EVI5: variants seen among roughly 807,000 people sequenced by gnomAD.
EVI5 encodes ecotropic viral integration site 5.
EVI5 carries 73 observed loss-of-function variants against 112.0 expected under a neutral mutation model. The ratio of observed to expected loss-of-function variants is 0.65; its 90% CI spans 0.54 to 0.79. EVI5 has a LOEUF of 0.79. Ranked by LOEUF, EVI5 falls within the 30% of genes least tolerant of loss-of-function variation. The pLI is 0.00. For synonymous variants in EVI5, 305 were observed against 319.9 expected (o/e 0.95, Z 0.50); for missense variants, 900 against 968.8 (o/e 0.93, Z 0.94).
At chr1:92,630,049 T>C (rs1312532846) in intron 14 of EVI5, among the ~76,000 whole-genome samples, 3 of 152,194 alleles carry the variant, frequency 2.0e-5, no homozygotes, top group African/African-American at 7.2e-5. Flanking sequence ...TGCCACATTT[T>C]CTTAATCCAG....
Position 92,607,565 on chromosome 1 carries a change from T to A in EVI5, c.1974+16A>T. On this transcript the variant is annotated intron_variant, in intron 17 of 19. Transcript: ENST00000684568. ...TATATTGACAAAAAACAAAATCAGT[T>A]AGTTGACATATTTACCTTGCATTCA... is the stretch of plus-strand genomic sequence containing the variant. The A allele has an allele frequency of 2.0e-6, 3 of 1,532,238 alleles. No homozygotes were observed. The highest frequency in any genetic ancestry group is 2.6e-6 in the Non-Finnish European group (3 of 1,144,310). 94.9% of individuals were successfully genotyped at this position (1,532,238 alleles called of 1,614,324 possible).
intron 19 of EVI5, among the ~76,000 whole-genome samples, chr1:92,550,783 T>TATAA (rs1666742472): frequency 2.8e-5 from 1 of 36,146 alleles, no homozygotes; most frequent in Non-Finnish European, 5.1e-5. Context: ...AAAAAAAAAA[T>TATAA]ATATATATAT....
intron 19 of EVI5, among the ~76,000 whole-genome samples, chr1:92,527,641 G>A (rs535079522): frequency 6.6e-6 from 1 of 152,046 alleles, no homozygotes; most frequent in East Asian, 1.9e-4. Flanking sequence ...TCCAGAAACT[G>A]CCCTACACTC....
At chr1:92,519,308 T>C (rs1660468825) in intron 19 of EVI5, among the ~76,000 whole-genome samples, 1 of 152,140 alleles carries the variant, frequency 6.6e-6, no homozygotes. Flanking sequence ...CCTAGAGGCA[T>C]CCAGCCCAGA....
At chr1:92,648,879 A>G (rs1661531450) in intron 13 of EVI5, among the ~76,000 whole-genome samples, 1 of 152,228 alleles carries the variant, frequency 6.6e-6, no homozygotes, top group South Asian at 2.1e-4. Flanking sequence ...TATTTGCGGT[A>G]CATACCTCTG....
At chr1:92,700,841 A>G (rs1671031156) in intron 5 of EVI5, 1 of 152,240 alleles carries the variant, frequency 6.6e-6, no homozygotes, top group South Asian at 2.1e-4. Context: ...GGATCTACCA[A>G]TACTAAATAA....
chr1:92,769,286 T>C (rs1286743410), intron 1 of EVI5, among the ~76,000 whole-genome samples: 1 of 152,236 alleles, frequency 6.6e-6, no homozygotes, highest in Non-Finnish European at 1.5e-5. Flanking sequence ...CAGTTAACAA[T>C]ATGGTATATA....
intron 18 of EVI5, chr1:92,580,326 T>A (rs1406279916): frequency 6.6e-6 from 1 of 152,220 alleles, no homozygotes; most frequent in Non-Finnish European, 1.5e-5. Flanking sequence ...TATATTGCAT[T>A]CATAACAACC....
rs1279368039 is a variant in EVI5 at position 92,605,378 on chromosome 1, T to G, written c.1999A>C (p.Arg667=). The change falls in exon 18 of 20, where the codon AGG becomes CGG. Residue 667 remains arginine, a synonymous_variant. Transcript: ENST00000684568. ...CKNKEEVMAV[R]LREADSIAAV... is the part of the protein sequence containing the mutation. The stretch of plus-strand genomic sequence containing the variant: ...GCTATGCTATCTGCTTCCCGAAGCC[T>G]CACAGCCATCACTTCTTCCTTATTC... 1 of 1,612,222 alleles carries G rather than the reference T, an allele frequency of 6.2e-7. No individual in the cohort carries two copies. Among genetic ancestry groups the G allele is most frequent in the Non-Finnish European group, 8.5e-7 (1 of 1,178,512 alleles).
chr1:92,593,397 T>G (rs1674339334), intron 18 of EVI5, among the ~76,000 whole-genome samples: 1 of 152,138 alleles, frequency 6.6e-6, no homozygotes, highest in African/African-American at 2.4e-5. Context: ...TCTCAATAAA[T>G]TAGGTATTGA....
At chr1:92,715,416 C>T (rs546369664) in intron 2 of EVI5, among the ~76,000 whole-genome samples, 8 of 152,184 alleles carry the variant, frequency 5.3e-5, no homozygotes, top group East Asian at 1.9e-4. Context: ...TAAACTTCTG[C>T]TCCTTTTATT....
chr1:92,676,603 G>T (rs1044006070), intron 10 of EVI5, among the ~76,000 whole-genome samples: 1 of 152,050 alleles, frequency 6.6e-6, no homozygotes, highest in Non-Finnish European at 1.5e-5. Context: ...TTATGGAGGG[G>T]GGTACAAATT....
intron 1 of EVI5, among the ~76,000 whole-genome samples, chr1:92,738,420 T>C (rs1677801229): frequency 6.6e-6 from 1 of 152,138 alleles, no homozygotes; most frequent in Non-Finnish European, 1.5e-5. Flanking sequence ...TACCAATAAT[T>C]TCAAATATAC....
intron 9 of EVI5, among the ~76,000 whole-genome samples, chr1:92,688,944 A>G (rs1669024596): frequency 6.6e-6 from 1 of 152,220 alleles, no homozygotes; most frequent in South Asian, 2.1e-4. Context: ...GACAAGACTT[A>G]TCTTTTAATG....
intron 18 of EVI5, among the ~76,000 whole-genome samples, chr1:92,583,612 T>G (rs1672318176): frequency 2.0e-5 from 3 of 148,258 alleles, no homozygotes; most frequent in Admixed American, 1.3e-4. Context: ...AAAATCAGAA[T>G]AGGAATAAAA....
At chr1:92,613,636 G>C (rs1652385596) in intron 16 of EVI5, among the ~76,000 whole-genome samples, 1 of 152,008 alleles carries the variant, frequency 6.6e-6, no homozygotes, top group Non-Finnish European at 1.5e-5. Flanking sequence ...TTGTGGCTTA[G>C]GCTGGAGTGC....
intron 1 of EVI5, among the ~76,000 whole-genome samples, chr1:92,772,641 G>C (rs1281910860): frequency 6.6e-6 from 1 of 152,130 alleles, no homozygotes; most frequent in African/African-American, 2.4e-5. Context: ...AGTAGCTCAT[G>C]CCTGTAATCC....
intron 18 of EVI5, among the ~76,000 whole-genome samples, chr1:92,565,856 G>A (rs1169033752): frequency 6.8e-6 from 1 of 148,040 alleles, no homozygotes; most frequent in Non-Finnish European, 1.5e-5. Context: ...TGTAATCCCA[G>A]CTACTCAGGA....
chr1:92,670,860 T>A (rs888300225), intron 10 of EVI5, among the ~76,000 whole-genome samples: 1 of 152,178 alleles, frequency 6.6e-6, no homozygotes, highest in Admixed American at 6.5e-5. Context: ...CCCATATATT[T>A]TGATTTCTTG....
Sources: gnomAD v4.1 joint callset for allele counts (sites outside exome capture counted in the v4.1 genomes callset) on GRCh38, gnomAD v4.1.1 for gene constraint, MANE v1.5 for transcripts, NCBI Gene and HGNC (gene_info 2026-07-23, HGNC 2026-07-21) for gene names.